Variants in ZNF208 observed in about 807,000 individuals in gnomAD.
The protein encoded by ZNF208 is zinc finger protein 95.
Under a neutral mutation model 12.1 loss-of-function variants are expected in ZNF208, and 10 were observed. That is an observed-to-expected ratio of 0.83 (90% CI 0.51 to 1.40). The LOEUF (loss-of-function observed/expected upper bound fraction) is 1.40, where lower values mean the gene tolerates loss of function less well. ZNF208 is among the 40% of genes most tolerant of loss of function. The pLI is 0.00. For synonymous variants in ZNF208, 497 were observed against 488.4 expected (o/e 1.02, Z -0.23); for missense variants, 1,652 against 1,485.0 (o/e 1.11, Z -1.85).
chr19:21,949,893 T>C (rs1350189898), intron 4 of ZNF208, among the ~76,000 whole-genome samples: 4 of 152,176 alleles, frequency 2.6e-5, no homozygotes, highest in African/African-American at 9.7e-5. Flanking sequence ...TGCTGTCCTC[T>C]AATGGAAGCC....
intron 4 of ZNF208, chr19:21,941,415 C>G: frequency 2.5e-6 from 1 of 399,016 alleles, no homozygotes; most frequent in Middle Eastern, 5.2e-4. Context: ...TCCACTGGAT[C>G]CCACCATCCC....
chr19:22,002,904 A>C (rs1355592825), intron 1 of ZNF208, among the ~76,000 whole-genome samples: 1 of 152,230 alleles, frequency 6.6e-6, no homozygotes, highest in Non-Finnish European at 1.5e-5. Context: ...AATCATAAGC[A>C]AAAACAACAA....
chr19:22,000,502 T>C (rs981249233), intron 1 of ZNF208, among the ~76,000 whole-genome samples: 1 of 152,160 alleles, frequency 6.6e-6, no homozygotes, highest in Non-Finnish European at 1.5e-5. Context: ...AGAAGTGTTT[T>C]GAAACAAATA....
In ZNF208 at chr19:22,000,694, A is replaced by G. The variant is rs1970928844; in HGVS notation, c.3+10098T>C. ...TCAGCCCCTAAGCTAGCAAAAGACA[A>G]GAAATAACCAAAATCAGATCTGAAC... On this transcript the variant is annotated intron_variant, in intron 1 of 3. Transcript: ENST00000397126. 2.0e-5 allele frequency among the ~76,000 whole-genome samples: 3 copies of G among 152,210 alleles called. No individual in the cohort carries two copies. In the South Asian group the frequency reaches 6.2e-4, roughly 31 times the overall value.
intron 4 of ZNF208, among the ~76,000 whole-genome samples, chr19:21,942,676 T>C (rs1235622108): frequency 2.6e-5 from 4 of 152,074 alleles, no homozygotes; most frequent in African/African-American, 9.7e-5. Flanking sequence ...TCAGACAGAG[T>C]CTTGCACTGT....
intron 4 of ZNF208, among the ~76,000 whole-genome samples, chr19:21,945,621 A>G (rs1366795295): frequency 1.3e-5 from 2 of 152,216 alleles, no homozygotes; most frequent in East Asian, 1.9e-4. Context: ...AAAAAATTTG[A>G]TGGTCAAATA....
At position 21,971,560 on chromosome 19, in the gene ZNF208, A is replaced by G; in HGVS notation, c.3474T>C (p.Tyr1158=). The G allele has an allele frequency of 1.9e-6, 3 of 1,587,968 alleles. No individual in the cohort carries two copies. The highest frequency in any genetic ancestry group is 2.6e-6 in the Non-Finnish European group (3 of 1,170,884). The part of the protein sequence containing the change: ...KAYKWSSTLS[Y]HKKIHTVEKP... ...TCTCTACAGTATGAATTTTCTTATG[A>G]TAACTAAGGGTTGAGGACCACTTAT... Residue 1158 remains tyrosine, a synonymous_variant, in exon 4 of 4, where the codon TAT becomes TAC. Transcript: ENST00000397126.
Position 21,970,595 on chromosome 19 carries a change from C to T in ZNF208, c.*596G>A, listed in dbSNP as rs1236542632. ...GACCAGTTGAAGTCTTTATCACATT[C>T]TTCACATTTGTAGGGCTTCTCACCA... is the stretch of plus-strand genomic sequence containing the variant. On this transcript the variant is annotated 3_prime_UTR_variant, in exon 4 of 4. Transcript: ENST00000397126. 4.2e-5 allele frequency: 37 copies of T among 875,884 alleles called. 1 individual carries two copies. Among genetic ancestry groups the T allele is most frequent in the South Asian group, 3.9e-4 (29 of 74,056 alleles). 54.3% of individuals were successfully genotyped at this position (875,884 alleles called of 1,614,324 possible).
intron 3 of ZNF208, among the ~76,000 whole-genome samples, chr19:21,985,925 A>G (rs1397441069): frequency 6.6e-6 from 1 of 152,172 alleles, no homozygotes; most frequent in East Asian, 1.9e-4. Flanking sequence ...CTGATACCCT[A>G]CTGAGCAAAG....
rs1271427700 is a variant in ZNF208, at chr19:21,974,361, C to T, written c.673G>A (p.Gly225Arg). The T allele has an allele frequency of 2.5e-6, 4 of 1,613,732 alleles. No individual in the cohort carries two copies. The South Asian group carries it at 4.4e-5, about 18-fold the overall frequency. ...TCTTTACATCTGTAGGGTTTCTCTC[C>T]AGTATGAGCACTCTTATAATAAGTA... is the stretch of plus-strand genomic sequence containing the variant. Reference protein sequence around the residue: ...TLTYYKSAHTGEKPYRCKECG... With the variant: ...TLTYYKSAHTREKPYRCKECG... The change falls in exon 4 of 4, where the codon GGA becomes AGA. Residue 225 changes from glycine (G) to arginine (R), a missense_variant. Coordinates refer to ENST00000397126, the MANE Select transcript of ZNF208 (RefSeq NM_007153.3).
At chr19:22,010,087 A>C (rs1428270949) in intron 1 of ZNF208, among the ~76,000 whole-genome samples, 1 of 151,974 alleles carries the variant, frequency 6.6e-6, no homozygotes, top group Non-Finnish European at 1.5e-5. Flanking sequence ...CGGAAGGCTG[A>C]GGCAGTGGAA....
intron 1 of ZNF208, chr19:21,998,829 C>T (rs1970887782): frequency 1.3e-5 from 2 of 152,188 alleles, no homozygotes; most frequent in Admixed American, 1.3e-4. Context: ...TATCTGACAA[C>T]TTCCACCAGC....
Position 21,995,396 on chromosome 19 carries a change from A to G in ZNF208, c.4-6487T>C, listed in dbSNP as rs184392492. ...TACCAACCAGAGATACTTCTTGTATAACGGGTGAAACAAACACGAGATGAC... is the reference window on the plus strand; with the variant it reads ...TACCAACCAGAGATACTTCTTGTATGACGGGTGAAACAAACACGAGATGAC... On this transcript the variant is annotated intron_variant, in intron 1 of 3. Transcript: ENST00000397126. Among the ~76,000 whole-genome samples the G allele has an allele frequency of 1.7e-3, 258 of 152,336 alleles. 1 individual carries two copies. Among genetic ancestry groups the G allele is most frequent in the African/African-American group, 6.0e-3 (249 of 41,598 alleles).
At chr19:21,940,985 C>T (rs1969729706) in intron 4 of ZNF208, 1 of 187,838 alleles carries the variant, frequency 5.3e-6, no homozygotes. Flanking sequence ...CGTGGGCGCT[C>T]CGGCTGCTGC....
intron 3 of ZNF208, among the ~76,000 whole-genome samples, chr19:21,985,341 G>C (rs1219474835): frequency 2.0e-5 from 3 of 152,206 alleles, no homozygotes; most frequent in African/African-American, 7.2e-5. Context: ...ACATGGTACA[G>C]TAAGGTTGGA....
Position 21,988,791 on chromosome 19 carries a change from A to T in ZNF208, c.122T>A (p.Val41Asp). ...NVMLENYRNL[V>D]FLGIAAFKPD... The stretch of plus-strand genomic sequence containing the variant: ...ATTAAAGTTATTCTCACCCAGGAAG[A>T]CCAGGTTTCTGTAGTTCTCTAACAT... The change falls in exon 2 of 4, where the codon GTC (valine) becomes GAC (aspartate). Residue 41 changes from valine (V) to aspartate (D), a missense_variant. By Grantham distance (152) the Val-to-Asp change is radical. This residue lies in a region of ZNF208 where 410 missense variants were observed against 378.2 expected (regional missense o/e 1.08). Transcript: ENST00000397126. The T allele has an allele frequency of 6.2e-7, 1 of 1,614,154 alleles. No individual in the cohort carries two copies. Among genetic ancestry groups the T allele is most frequent in the Non-Finnish European group, 8.5e-7 (1 of 1,179,998 alleles).
chr19:21,991,052 C>G (rs1480276842), intron 1 of ZNF208, among the ~76,000 whole-genome samples: 1 of 152,184 alleles, frequency 6.6e-6, no homozygotes, highest in Non-Finnish European at 1.5e-5. Context: ...CATCTGCAAA[C>G]AGGGACAATT....
chr19:21,968,869 T>C lies in ZNF208; in HGVS notation c.*2322A>G, dbSNP rs1410724993. Among the ~76,000 whole-genome samples, 1 of 152,142 alleles carries C rather than the reference T, an allele frequency of 6.6e-6. No individual in the cohort carries two copies. The highest frequency in any genetic ancestry group is 1.5e-5 in the Non-Finnish European group (1 of 68,018). ...TTATACAATGTCATTATACATTTTA[T>C]ACATTTTTGCTCTGCTAAAGACTTC... On this transcript the variant is annotated 3_prime_UTR_variant, in exon 4 of 4. Transcript: ENST00000397126.
At chr19:21,957,539 T>A (rs962439602) in intron 4 of ZNF208, among the ~76,000 whole-genome samples, 1 of 152,166 alleles carries the variant, frequency 6.6e-6, no homozygotes, top group Non-Finnish European at 1.5e-5. Context: ...AGTAAAAAAA[T>A]GTCACTTTCC....
Sources: gnomAD v4.1 joint callset for allele counts (sites outside exome capture counted in the v4.1 genomes callset) on GRCh38, gnomAD v4.1.1 for gene constraint, gnomAD v4.1.1 regional missense constraint, MANE v1.5 for transcripts, NCBI Gene and HGNC (gene_info 2026-07-23, HGNC 2026-07-21) for gene names.